MGMT: variants seen among roughly 807,000 people sequenced by gnomAD.
MGMT encodes O-6-methylguanine-DNA methyltransferase.
Under a neutral mutation model 15.9 loss-of-function variants are expected in MGMT, and 14 were observed. The ratio of observed to expected loss-of-function variants is 0.88; its 90% confidence interval spans 0.58 to 1.37. The LOEUF (loss-of-function observed/expected upper bound fraction) is 1.37, where lower values mean the gene tolerates loss of function less well. MGMT is among the 40% of genes most tolerant of loss of function. MGMT has a pLI of 0.00. For missense variants in MGMT, 282 were observed against 268.1 expected, an observed-to-expected ratio of 1.05 and a Z score of -0.36; for synonymous variants, 130 against 118.2, an observed-to-expected ratio of 1.10 and a Z score of -0.65.
intron 1 of MGMT, among the ~76,000 whole-genome samples, chr10:129,477,572 T>C (rs1272340163): frequency 6.6e-6 from 1 of 151,282 alleles, no homozygotes; most frequent in East Asian, 1.9e-4. Context: ...GGATCTTTTT[T>C]CTTAGAAGAG....
At chr10:129,512,926 G>T (rs978914251) in intron 1 of MGMT, among the ~76,000 whole-genome samples, 1 of 152,038 alleles carries the variant, frequency 6.6e-6, no homozygotes, top group Non-Finnish European at 1.5e-5. Flanking sequence ...TTGAAAGCAG[G>T]GTCTTGAGTA....
At chr10:129,613,698 A>T (rs940014316) in intron 2 of MGMT, among the ~76,000 whole-genome samples, 1 of 152,366 alleles carries the variant, frequency 6.6e-6, no homozygotes, top group Admixed American at 6.5e-5. Flanking sequence ...TGGGATGCAC[A>T]CAGGAGTCTT....
chr10:129,546,462 C>T (rs188835293), intron 2 of MGMT, among the ~76,000 whole-genome samples: 1 of 152,186 alleles, frequency 6.6e-6, no homozygotes, highest in Non-Finnish European at 1.5e-5. Context: ...TGCGAGCCCC[C>T]TCTTGGGCAT....
At chr10:129,542,630 A>T (rs555885405) in intron 2 of MGMT, among the ~76,000 whole-genome samples, 10 of 152,302 alleles carry the variant, frequency 6.6e-5, no homozygotes, top group African/African-American at 2.4e-4. Context: ...GTATGTGCTT[A>T]AAAAATGTGA....
At chr10:129,630,552 A>G (rs976988065) in intron 2 of MGMT, among the ~76,000 whole-genome samples, 1 of 152,186 alleles carries the variant, frequency 6.6e-6, no homozygotes, top group Non-Finnish European at 1.5e-5. Context: ...AACTCATTGC[A>G]GTGTTTAAAA....
intron 1 of MGMT, among the ~76,000 whole-genome samples, chr10:129,473,662 A>G (rs1025072691): frequency 6.6e-6 from 1 of 152,222 alleles, no homozygotes; most frequent in African/African-American, 2.4e-5. Flanking sequence ...GTGTAAACAG[A>G]CACAGACCTG....
chr10:129,656,232 G>A (rs1360579265), intron 2 of MGMT, among the ~76,000 whole-genome samples: 5 of 152,208 alleles, frequency 3.3e-5, no homozygotes, highest in Non-Finnish European at 7.3e-5. Context: ...GACTGCAGTC[G>A]GGAGGTGACA....
rs576615458 is a variant in MGMT, at chr10:129,615,357, G to A, written c.125+78980G>A. On this transcript the variant is annotated intron_variant, in intron 2 of 4. Coordinates refer to ENST00000651593, the MANE Select transcript of MGMT (RefSeq NM_002412.5). ...GGACAGCACCCAGGACCACGGCCTCGTTCTTTTCCTTCTCACTGTGTTTTC... is the reference window on the plus strand; with the variant it reads ...GGACAGCACCCAGGACCACGGCCTCATTCTTTTCCTTCTCACTGTGTTTTC... Among the ~76,000 whole-genome samples the A allele has an allele frequency of 3.9e-5, 6 of 152,194 alleles. No individual in the cohort carries two copies. The East Asian group carries it at 5.8e-4, about 15-fold the overall frequency.
intron 2 of MGMT, among the ~76,000 whole-genome samples, chr10:129,610,471 C>T (rs924685026): frequency 6.6e-6 from 1 of 152,256 alleles, no homozygotes; most frequent in African/African-American, 2.4e-5. Context: ...AGCCCCCACC[C>T]TGCACATGGC....
At chr10:129,686,307 A>T (rs1044817948) in intron 2 of MGMT, among the ~76,000 whole-genome samples, 1 of 152,244 alleles carries the variant, frequency 6.6e-6, no homozygotes, top group Non-Finnish European at 1.5e-5. Context: ...GCTGCCATTA[A>T]GATGGGCAAG....
intron 2 of MGMT, among the ~76,000 whole-genome samples, chr10:129,639,879 C>A (rs956402286): frequency 6.9e-6 from 1 of 144,728 alleles, no homozygotes; most frequent in African/African-American, 2.6e-5. Flanking sequence ...TGGAAAATAT[C>A]AATGAGTCAA....
At chr10:129,715,897 G>A (rs1848289656) in intron 3 of MGMT, among the ~76,000 whole-genome samples, 1 of 152,154 alleles carries the variant, frequency 6.6e-6, no homozygotes, top group South Asian at 2.1e-4. Context: ...ATGAGTCTCT[G>A]TCCCTCTTTA....
In MGMT at chr10:129,707,878, TG is replaced by T. The variant is rs1848183155; in HGVS notation, c.126-16del. ...AGGGCCCAGAGGTTTACTAAGCCCC[TG>T]TTCTCACTTTTGCAGTGCCGTGGAG... On this transcript the variant is annotated splice_polypyrimidine_tract_variant and intron_variant, in intron 2 of 4. Coordinates refer to ENST00000651593, the MANE Select transcript of MGMT (RefSeq NM_002412.5). The T allele has an allele frequency of 9.9e-6, 16 of 1,610,120 alleles. No individual in the cohort carries two copies. The East Asian group carries it at 3.6e-4, about 36-fold the overall frequency.
At position 129,767,093 on chromosome 10, in the gene MGMT, G is replaced by A. The variant is rs1040119991; in HGVS notation, c.*96G>A. The A allele has an allele frequency of 1.3e-5, 14 of 1,088,496 alleles. No homozygotes were observed. The African/African-American group carries it at 1.9e-4, about 15-fold the overall frequency. 67.4% of individuals were successfully genotyped at this position (1,088,496 alleles called of 1,614,324 possible). A position where few individuals can be genotyped will look rare whatever the true frequency, so the allele number is the denominator to read the frequency against. ...CACCGCTGTATTAAAGGAAGTGGCA[G>A]TGTCCTGGGAACAAGCGTGTCTGCC... On this transcript the variant is annotated 3_prime_UTR_variant, in exon 5 of 5. Transcript: ENST00000651593.
intron 3 of MGMT, among the ~76,000 whole-genome samples, chr10:129,756,291 C>A (rs763843048): frequency 5.9e-5 from 9 of 152,164 alleles, no homozygotes; most frequent in Non-Finnish European, 7.3e-5. Flanking sequence ...AGGTACCCAG[C>A]ACCACAGGAC....
chr10:129,600,489 C>T (rs557421089), intron 2 of MGMT, among the ~76,000 whole-genome samples: 1 of 152,326 alleles, frequency 6.6e-6, no homozygotes, highest in African/African-American at 2.4e-5. Context: ...AAAAAATACA[C>T]ATTGTGATTT....
At chr10:129,570,599 A>G (rs1025982748) in intron 2 of MGMT, among the ~76,000 whole-genome samples, 16 of 152,266 alleles carry the variant, frequency 1.1e-4, no homozygotes, top group African/African-American at 3.9e-4. Context: ...AGTGCAACAT[A>G]ATGAGTTCTG....
intron 1 of MGMT, among the ~76,000 whole-genome samples, chr10:129,511,175 A>T (rs1845679199): frequency 6.8e-6 from 1 of 147,046 alleles, no homozygotes. Context: ...TATTAGATGC[A>T]GGCACGTGCT....
rs372643085 is a variant in MGMT, at chr10:129,764,935, G to T, written c.415-1853G>T. ...TCCAGCTCAGGAGGAAGGGAGGAAGGGGGGCCAGGCAGTAAGCGATCGTTA... is the reference window on the plus strand; with the variant it reads ...TCCAGCTCAGGAGGAAGGGAGGAAGTGGGGCCAGGCAGTAAGCGATCGTTA... On this transcript the variant is annotated intron_variant, in intron 4 of 4. Coordinates refer to ENST00000651593, the MANE Select transcript of MGMT (RefSeq NM_002412.5). Among the ~76,000 whole-genome samples, 11 of 152,260 alleles carry T rather than the reference G, an allele frequency of 7.2e-5. No homozygotes were observed. The East Asian group carries it at 1.7e-3, about 24-fold the overall frequency.
Sources: gnomAD v4.1 joint callset for allele counts (sites outside exome capture counted in the v4.1 genomes callset) on GRCh38, gnomAD v4.1.1 for gene constraint, MANE v1.5 for transcripts, NCBI Gene and HGNC (gene_info 2026-07-23, HGNC 2026-07-21) for gene names.